NELL1: variants seen among roughly 807,000 people sequenced by gnomAD.
The protein encoded by NELL1 is protein kinase C-binding protein NELL1.
In NELL1, 76 loss-of-function variants were observed where a neutral mutation model predicts 107.4. The ratio of observed to expected loss-of-function variants is 0.71; its 90% confidence interval spans 0.59 to 0.86. NELL1 has a LOEUF of 0.86. NELL1 is among the 40% of genes least tolerant of loss of function. NELL1 has a pLI of 0.00. For missense variants in NELL1, 1,024 were observed against 1,005.5 expected (o/e 1.02, Z -0.25); for synonymous variants, 353 against 341.2 (o/e 1.03, Z -0.38).
At chr11:20,828,676 C>A (rs542533870) in intron 3 of NELL1, among the ~76,000 whole-genome samples, 2 of 152,182 alleles carry the variant, frequency 1.3e-5, no homozygotes, top group African/African-American at 4.8e-5. Context: ...CCCAGTCTCA[C>A]GTAGGACAGG....
intron 14 of NELL1, among the ~76,000 whole-genome samples, chr11:21,341,498 C>G (rs1850563922): frequency 6.6e-6 from 1 of 152,060 alleles, no homozygotes; most frequent in Non-Finnish European, 1.5e-5. Context: ...GTTGGTAATT[C>G]AAAGTAATTA....
At chr11:21,030,717 AT>A (rs1193745864) in intron 12 of NELL1, among the ~76,000 whole-genome samples, 1 of 145,974 alleles carries the variant, frequency 6.9e-6, no homozygotes, top group Admixed American at 6.9e-5. Context: ...TCTAAAACTT[AT>A]TTGTTAATTT....
intron 2 of NELL1, among the ~76,000 whole-genome samples, chr11:20,759,908 A>G (rs1011469268): frequency 9.9e-5 from 15 of 152,208 alleles, no homozygotes; most frequent in Admixed American, 3.9e-4. Context: ...TGCTTTGCCC[A>G]GAATCCACAG....
At chr11:20,891,081 A>C (rs1363725232) in intron 5 of NELL1, among the ~76,000 whole-genome samples, 1 of 152,204 alleles carries the variant, frequency 6.6e-6, no homozygotes, top group Non-Finnish European at 1.5e-5. Flanking sequence ...GGTTGAAATG[A>C]AGGAAAAAAA....
intron 2 of NELL1, among the ~76,000 whole-genome samples, chr11:20,760,703 A>G (rs1047934588): frequency 6.6e-6 from 1 of 152,224 alleles, no homozygotes; most frequent in Admixed American, 6.5e-5. Flanking sequence ...CTTTGAAATA[A>G]AAATAAGATT....
chr11:20,911,040 T>C (rs1301695513), intron 5 of NELL1, among the ~76,000 whole-genome samples: 4 of 152,222 alleles, frequency 2.6e-5, no homozygotes, highest in African/African-American at 9.6e-5. Context: ...TTCCTGTCTT[T>C]TAGGAATTTC....
intron 4 of NELL1, among the ~76,000 whole-genome samples, chr11:20,883,076 AC>A (rs1230326669): frequency 1.3e-5 from 2 of 151,956 alleles, no homozygotes; most frequent in African/African-American, 4.8e-5. Flanking sequence ...TGTTGATTCC[AC>A]CTGCTGCACA....
At chr11:20,785,883 G>T (rs558274692) in intron 3 of NELL1, among the ~76,000 whole-genome samples, 1 of 135,820 alleles carries the variant, frequency 7.4e-6, no homozygotes, top group African/African-American at 3.0e-5. Flanking sequence ...TTCTCTTTTG[G>T]ATTTTTTTTT....
At chr11:21,139,475 C>A (rs1004443554) in intron 13 of NELL1, among the ~76,000 whole-genome samples, 3 of 152,194 alleles carry the variant, frequency 2.0e-5, no homozygotes, top group African/African-American at 7.2e-5. Flanking sequence ...TTTCTCCTCT[C>A]TCTGTTAGTT....
chr11:21,422,880 G>C (rs756327543), intron 15 of NELL1, among the ~76,000 whole-genome samples: 5 of 152,144 alleles, frequency 3.3e-5, no homozygotes, highest in Non-Finnish European at 7.4e-5. Context: ...CTCCAATCAA[G>C]AGATAGAGAT....
intron 14 of NELL1, among the ~76,000 whole-genome samples, chr11:21,334,074 C>T (rs530037894): frequency 6.6e-6 from 1 of 152,050 alleles, no homozygotes; most frequent in South Asian, 2.1e-4. Context: ...TGAGTGATTT[C>T]TATGTCTTAA....
rs192842745 is a variant in NELL1, at chr11:21,436,479, C to A, written c.1645+65531C>A. On this transcript the variant is annotated intron_variant, in intron 15 of 19. Coordinates refer to ENST00000357134, the MANE Select transcript of NELL1 (RefSeq NM_006157.5). ...ATGATCATTTGTTTTTCTATAGTATCATTTGTAATGTCTCTTATTTCATTT... is the reference window on the plus strand; with the variant it reads ...ATGATCATTTGTTTTTCTATAGTATAATTTGTAATGTCTCTTATTTCATTT... Among the ~76,000 whole-genome samples, 89 of 152,192 alleles carry A rather than the reference C, an allele frequency of 5.8e-4. 1 individual carries two copies. The highest frequency in any genetic ancestry group is 1.6e-3 in the African/African-American group (66 of 41,548).
chr11:21,269,896 A>G (rs999512728), intron 14 of NELL1, among the ~76,000 whole-genome samples: 10 of 152,140 alleles, frequency 6.6e-5, no homozygotes, highest in Non-Finnish European at 1.3e-4. Flanking sequence ...GACAGCAATG[A>G]TACAGTGATG....
intron 4 of NELL1, among the ~76,000 whole-genome samples, chr11:20,871,711 C>T (rs1849201851): frequency 6.6e-6 from 1 of 151,926 alleles, no homozygotes; most frequent in African/African-American, 2.4e-5. Context: ...TCTTACTTTG[C>T]CTCGGAGATG....
chr11:20,856,031 T>C (rs1848876846), intron 4 of NELL1, among the ~76,000 whole-genome samples: 1 of 152,242 alleles, frequency 6.6e-6, no homozygotes, highest in Non-Finnish European at 1.5e-5. Flanking sequence ...ATGTTATAAA[T>C]AATAGCAGCC....
At chr11:20,724,752 C>T (rs1378919575) in intron 2 of NELL1, among the ~76,000 whole-genome samples, 2 of 152,170 alleles carry the variant, frequency 1.3e-5, no homozygotes, top group Non-Finnish European at 2.9e-5. Flanking sequence ...TTACCCAGTT[C>T]CAAAGTCCCT....
At chr11:20,902,751 C>T (rs925477635) in intron 5 of NELL1, among the ~76,000 whole-genome samples, 133 of 151,638 alleles carry the variant, frequency 8.8e-4, no homozygotes, top group African/African-American at 3.0e-3. Flanking sequence ...TGTTTAAATA[C>T]GTTGTAGTAG....
chr11:20,940,811 A>G (rs1850836506), intron 10 of NELL1, among the ~76,000 whole-genome samples: 1 of 152,184 alleles, frequency 6.6e-6, no homozygotes, highest in Non-Finnish European at 1.5e-5. Flanking sequence ...AGCTGTCATA[A>G]TAAGACTTTG....
intron 2 of NELL1, among the ~76,000 whole-genome samples, chr11:20,760,262 G>T (rs1856390248): frequency 6.6e-6 from 1 of 152,204 alleles, no homozygotes; most frequent in Admixed American, 6.5e-5. Context: ...ATCAGTGAAA[G>T]ATTTCAGCTG....
Sources: allele counts gnomAD v4.1 joint callset (sites outside exome capture counted in the v4.1 genomes callset), GRCh38; gene constraint gnomAD v4.1.1; transcripts MANE v1.5; gene names NCBI Gene and HGNC (gene_info 2026-07-23, HGNC 2026-07-21).